XPR1: variants seen among roughly 807,000 people sequenced by gnomAD.
XPR1 encodes the protein xenotropic and polytropic retrovirus receptor 1.
XPR1 carries 28 observed loss-of-function variants against 87.5 expected under a neutral mutation model. The observed-to-expected ratio is 0.32, with a 90% CI of 0.24 to 0.44. XPR1 has a LOEUF of 0.44. XPR1 is among the 20% of genes least tolerant of loss of function. The probability of loss-of-function intolerance (pLI) is 1.00; values close to 1 mark genes in which losing one functional copy is unlikely to be tolerated. For synonymous variants in XPR1, 300 were observed against 306.1 expected (o/e 0.98, Z 0.21); for missense variants, 559 against 862.3 (o/e 0.65, Z 4.41).
At chr1:180,737,376 T>C (rs1005573554) in intron 2 of XPR1, among the ~76,000 whole-genome samples, 1 of 152,256 alleles carries the variant, frequency 6.6e-6, no homozygotes, top group South Asian at 2.1e-4. Flanking sequence ...AAACGTGATA[T>C]ACTATTTTCC....
intron 2 of XPR1, among the ~76,000 whole-genome samples, chr1:180,749,639 T>TCACACACACACA (rs139363505): frequency 0.092 from 13,038 of 142,274 alleles, 845 homozygotes; most frequent in Non-Finnish European, 0.11. Flanking sequence ...CACATATACA[T>TCACACACACACA]CACACACACA....
intron 1 of XPR1, among the ~76,000 whole-genome samples, chr1:180,658,028 A>G (rs2101913546): frequency 6.6e-6 from 1 of 152,090 alleles, no homozygotes; most frequent in African/African-American, 2.4e-5. Flanking sequence ...ATTCCTAGGT[A>G]TTTAATTTTA....
At chr1:180,632,702 C>T (rs1383251337) in intron 1 of XPR1, among the ~76,000 whole-genome samples, 1 of 152,228 alleles carries the variant, frequency 6.6e-6, no homozygotes, top group Non-Finnish European at 1.5e-5. Flanking sequence ...TCTTGTTTCT[C>T]TCTCTACACC....
At position 180,736,851 on chromosome 1, in the gene XPR1, A is replaced by G. The variant is rs1023152288; in HGVS notation, c.122-50902A>G. On this transcript the variant is annotated intron_variant, in intron 2 of 14. Transcript: ENST00000367590. ...GCAGGTATACGCAGATTTACCCCCA[A>G]GGCTGAGGGAGCTGACAGGCCGAAA... Among the ~76,000 whole-genome samples the G allele has an allele frequency of 5.9e-5, 9 of 152,272 alleles. No individual in the cohort carries two copies. The South Asian group carries it at 1.0e-3, about 18-fold the overall frequency.
At chr1:180,789,922 CTG>C (rs1649312206) in intron 3 of XPR1, among the ~76,000 whole-genome samples, 1 of 152,152 alleles carries the variant, frequency 6.6e-6, no homozygotes, top group South Asian at 2.1e-4. Context: ...GCACCTGTAA[CTG>C]TGCCCTCAAA....
chr1:180,703,095 T>G (rs1049765475), intron 2 of XPR1, among the ~76,000 whole-genome samples: 1 of 152,106 alleles, frequency 6.6e-6, no homozygotes, highest in South Asian at 2.1e-4. Flanking sequence ...TTAGACTGTG[T>G]TTTTTAGTGA....
chr1:180,655,118 T>C (rs1027523368), intron 1 of XPR1, among the ~76,000 whole-genome samples: 19 of 152,210 alleles, frequency 1.2e-4, no homozygotes, highest in African/African-American at 3.6e-4. Flanking sequence ...GTAGCCATCC[T>C]ATCAAATGAA....
chr1:180,840,735 A>T (rs1243867152), intron 11 of XPR1, among the ~76,000 whole-genome samples: 1 of 151,908 alleles, frequency 6.6e-6, no homozygotes, highest in Non-Finnish European at 1.5e-5. Context: ...TATTCATATC[A>T]CTAAAATTTT....
intron 2 of XPR1, among the ~76,000 whole-genome samples, chr1:180,771,049 ACTT>A (rs1648493658): frequency 6.6e-6 from 1 of 152,268 alleles, no homozygotes; most frequent in African/African-American, 2.4e-5. Context: ...TCTTCTAATT[ACTT>A]CTTTACGTCT....
intron 1 of XPR1, among the ~76,000 whole-genome samples, chr1:180,650,792 T>C (rs534716367): frequency 1.2e-4 from 18 of 152,308 alleles, no homozygotes; most frequent in Middle Eastern, 3.4e-3. Flanking sequence ...CTTTAAACAG[T>C]GATTTTCTCT....
At chr1:180,827,555 G>T (rs540687938) in intron 9 of XPR1, among the ~76,000 whole-genome samples, 1 of 152,218 alleles carries the variant, frequency 6.6e-6, no homozygotes, top group South Asian at 2.1e-4. Context: ...GATGGAATAG[G>T]TTGACAATGG....
At chr1:180,650,862 GAT>G (rs1655271425) in intron 1 of XPR1, among the ~76,000 whole-genome samples, 1 of 152,100 alleles carries the variant, frequency 6.6e-6, no homozygotes, top group Non-Finnish European at 1.5e-5. Flanking sequence ...GTAAAGTTGT[GAT>G]AATTAGATAT....
chr1:180,785,944 TAA>T (rs1307445034), intron 2 of XPR1, among the ~76,000 whole-genome samples: 11 of 141,508 alleles, frequency 7.8e-5, no homozygotes, highest in Admixed American at 2.1e-4. Flanking sequence ...AACTCAGCTT[TAA>T]AAAAAAAAAA....
At chr1:180,852,848 A>G (rs1651909231) in intron 11 of XPR1, among the ~76,000 whole-genome samples, 1 of 152,190 alleles carries the variant, frequency 6.6e-6, no homozygotes, top group Non-Finnish European at 1.5e-5. Flanking sequence ...TTATTACAGT[A>G]TATTATGATT....
rs922972233 is a variant in XPR1, at chr1:180,806,081, T to G, written c.467T>G (p.Phe156Cys). The G allele has an allele frequency of 1.9e-6, 3 of 1,613,386 alleles. No homozygotes were observed. Among genetic ancestry groups the G allele is most frequent in the Non-Finnish European group, 2.5e-6 (3 of 1,179,608 alleles). ...QNYQNLNFTG[F>C]RKILKKHDKI... ...CTGTAGAATCTGAATTTTACAGGGT[T>G]TCGAAAAATCCTGAAAAAGCATGAC... Residue 156 changes from phenylalanine (F) to cysteine (C), a missense_variant, in exon 5 of 15, where the codon TTT becomes TGT. Phe to Cys is a radical substitution (Grantham distance 205). Around this residue, in one of 7 missense-constraint regions of XPR1, gnomAD observed 159 missense variants for 263.3 expected, o/e 0.60. Coordinates refer to ENST00000367590, the MANE Select transcript of XPR1 (RefSeq NM_004736.4).
At chr1:180,637,789 C>T (rs1048388912) in intron 1 of XPR1, among the ~76,000 whole-genome samples, 1 of 152,088 alleles carries the variant, frequency 6.6e-6, no homozygotes, top group Non-Finnish European at 1.5e-5. Flanking sequence ...ACTGTTCTCA[C>T]GTGATCCGCC....
chr1:180,834,764 G>T, intron 9 of XPR1, 110 bp from the exon 10 acceptor site: 3 of 1,246,688 alleles, frequency 2.4e-6, no homozygotes, highest in Admixed American at 2.9e-5. Flanking sequence ...TGGTTCTTTG[G>T]TTTCCATTTT....
intron 1 of XPR1, among the ~76,000 whole-genome samples, chr1:180,644,219 A>G (rs1655040943): frequency 6.6e-6 from 1 of 152,212 alleles, no homozygotes; most frequent in African/African-American, 2.4e-5. Flanking sequence ...ATATACTATA[A>G]TTAGAAAGAG....
At chr1:180,877,394 C>G (rs1652697508) in intron 13 of XPR1, among the ~76,000 whole-genome samples, 1 of 152,130 alleles carries the variant, frequency 6.6e-6, no homozygotes, top group Admixed American at 6.5e-5. Context: ...CTTGATACTT[C>G]TTGATTTATG....
Sources: gnomAD v4.1 joint callset for allele counts (sites outside exome capture counted in the v4.1 genomes callset) on GRCh38, gnomAD v4.1.1 for gene constraint, gnomAD v4.1.1 regional missense constraint, MANE v1.5 for transcripts, NCBI Gene and HGNC (gene_info 2026-07-23, HGNC 2026-07-21) for gene names.